Variants in PCLO observed in about 807,000 individuals in gnomAD.
The protein encoded by PCLO is piccolo presynaptic cytomatrix protein.
Under a neutral mutation model 427.5 loss-of-function variants are expected in PCLO, and 82 were observed. That is an observed-to-expected ratio of 0.19 (90% CI 0.16 to 0.23). The LOEUF (loss-of-function observed/expected upper bound fraction) is 0.23, where lower values mean the gene tolerates loss of function less well. Among genes scored for constraint, PCLO ranks in the 10% least tolerant of loss-of-function variants. The pLI is 1.00. For synonymous variants in PCLO, 2,357 were observed against 2,155.4 expected (o/e 1.09, Z -2.59); for missense variants, 6,239 against 6,115.9 (o/e 1.02, Z -0.67).
At position 82,801,501 on chromosome 7, in the gene PCLO, T is replaced by C; in HGVS notation, c.15007+17A>G. Reference sequence around the variant, plus strand: ...TGCAGATTCAGCCAAAATCCAATATTGTAAATTTTTACTTACCTTCAGTGT... The same window carrying C: ...TGCAGATTCAGCCAAAATCCAATATCGTAAATTTTTACTTACCTTCAGTGT... On this transcript the variant is annotated intron_variant, in intron 22 of 24. Coordinates refer to ENST00000333891, the MANE Select transcript of PCLO (RefSeq NM_033026.6). The C allele has an allele frequency of 7.1e-7, 1 of 1,399,906 alleles. No homozygotes were observed. Among genetic ancestry groups the C allele is most frequent in the Non-Finnish European group, 1.0e-6 (1 of 985,312 alleles). The allele number at this position is 1,399,906 out of a possible 1,614,324, so 86.7% of individuals were successfully genotyped here.
intron 22 of PCLO, among the ~76,000 whole-genome samples, chr7:82,785,935 TA>T (rs1227484134): frequency 6.6e-6 from 1 of 152,128 alleles, no homozygotes; most frequent in Non-Finnish European, 1.5e-5. Context: ...AAAACCTAGC[TA>T]GAGTTATATG....
Position 82,879,337 on chromosome 7 carries a change from C to T in PCLO, c.13654G>A (p.Gly4552Arg). Reference protein sequence around the residue: ...SAEQTGKLMEGMQVLEWNGIP... With the variant: ...SAEQTGKLMERMQVLEWNGIP... The stretch of plus-strand genomic sequence containing the variant: ...TTACTGTAAAATTCCTTATTCTTAC[C>T]TTCCATAAGCTTCCCCGTCTGTTCC... The change falls in exon 10 of 25, where the codon GGG (glycine) becomes AGG (arginine). Residue 4552 changes from glycine (G) to arginine (R), a missense_variant and splice_region_variant. This residue lies in a region of PCLO where 877 missense variants were observed against 925.5 expected (regional missense o/e 0.95). Coordinates refer to ENST00000333891, the MANE Select transcript of PCLO (RefSeq NM_033026.6). 6.2e-7 allele frequency: 1 copy of T among 1,601,656 alleles called. No individual in the cohort carries two copies. The highest frequency in any genetic ancestry group is 8.5e-7 in the Non-Finnish European group (1 of 1,175,642).
intron 3 of PCLO, among the ~76,000 whole-genome samples, chr7:83,032,689 G>A (rs1033366412): frequency 6.6e-6 from 1 of 151,976 alleles, no homozygotes; most frequent in Non-Finnish European, 1.5e-5. Flanking sequence ...TTCATTTATG[G>A]TGTCACCATT....
intron 21 of PCLO, among the ~76,000 whole-genome samples, chr7:82,802,126 T>C (rs1197022838): frequency 6.6e-6 from 1 of 152,050 alleles, no homozygotes; most frequent in Non-Finnish European, 1.5e-5. Flanking sequence ...AACTGGCTTT[T>C]GTAGTCAGGC....
rs1050322253 is a variant in PCLO, at chr7:82,756,977, G to T, written c.*1598C>A. The T allele has an allele frequency of 2.6e-5, 4 of 152,048 alleles. No individual in the cohort carries two copies. The highest frequency in any genetic ancestry group is 5.9e-5 in the Non-Finnish European group (4 of 67,990). 9.4% of individuals were successfully genotyped at this position (152,048 alleles called of 1,614,324 possible). A position where few individuals can be genotyped will look rare whatever the true frequency, so the allele number is the denominator to read the frequency against. ...ACATATAAAATTTGAGAATTAAAAAGATATGTAATAATTATTCCTCACTTC... is the reference window on the plus strand; with the variant it reads ...ACATATAAAATTTGAGAATTAAAAATATATGTAATAATTATTCCTCACTTC... On this transcript the variant is annotated 3_prime_UTR_variant, in exon 25 of 25. Coordinates refer to ENST00000333891, the MANE Select transcript of PCLO (RefSeq NM_033026.6).
At chr7:82,763,257 A>C (rs1790467151) in intron 22 of PCLO, among the ~76,000 whole-genome samples, 1 of 152,096 alleles carries the variant, frequency 6.6e-6, no homozygotes, top group African/African-American at 2.4e-5. Context: ...CCACTGCCTT[A>C]ATAGGAAATA....
chr7:82,904,343 C>T (rs1157297090), intron 8 of PCLO, among the ~76,000 whole-genome samples: 1 of 151,684 alleles, frequency 6.6e-6, no homozygotes, highest in African/African-American at 2.4e-5. Flanking sequence ...TTTTTGCCCT[C>T]CCCACATCTT....
At chr7:82,906,006 T>TACAGATAG (rs1554350000) in intron 8 of PCLO, among the ~76,000 whole-genome samples, 1 of 146,628 alleles carries the variant, frequency 6.8e-6, no homozygotes, top group African/African-American at 2.6e-5. Flanking sequence ...AGGTTAAGCA[T>TACAGATAG]ATAGATAGAT....
At chr7:82,839,746 G>A (rs1330746367) in intron 14 of PCLO, among the ~76,000 whole-genome samples, 1 of 152,008 alleles carries the variant, frequency 6.6e-6, no homozygotes, top group East Asian at 1.9e-4. Context: ...AATTTGCTCT[G>A]TATGGCCTTA....
Position 82,956,093 on chromosome 7 carries a change from A to T in PCLO, c.4860T>A (p.Asp1620Glu), listed in dbSNP as rs550441923. ...ATGAGTGACGTCTTCCTGCATCTTC[A>T]TCAATGCTTGTGCTACTTTTTCGAG... Reference protein sequence around the residue: ...RLTRKSSTSIDEDAGRRHSWH... With the variant: ...RLTRKSSTSIEEDAGRRHSWH... Residue 1620 changes from aspartate (D) to glutamate (E), a missense_variant, in exon 5 of 25, where the codon GAT becomes GAA. Around this residue, in one of 5 missense-constraint regions of PCLO, gnomAD observed 4,677 missense variants for 4,468.4 expected, o/e 1.05. Coordinates refer to ENST00000333891, the MANE Select transcript of PCLO (RefSeq NM_033026.6). The T allele has an allele frequency of 1.2e-6, 2 of 1,611,210 alleles. No homozygotes were observed. Among genetic ancestry groups the T allele is most frequent in the Middle Eastern group, 1.6e-4 (1 of 6,062 alleles).
At chr7:82,984,408 C>CTGTGTGTGTGTGTGTGTG (rs5885327) in intron 3 of PCLO, among the ~76,000 whole-genome samples, 36 of 135,938 alleles carry the variant, frequency 2.6e-4, no homozygotes, top group African/African-American at 8.1e-4. Flanking sequence ...AATGTGGTGT[C>CTGTGTGTGTGTGTGTGTG]TGTGTGTGTG....
intron 22 of PCLO, among the ~76,000 whole-genome samples, chr7:82,790,262 A>G (rs922747202): frequency 6.6e-6 from 1 of 152,010 alleles, no homozygotes; most frequent in Non-Finnish European, 1.5e-5. Context: ...CCAATTGCCT[A>G]TTTACAGTGT....
rs189788117 is a variant in PCLO at position 83,015,230 on chromosome 7, T to C, written c.3301-48743A>G. 4.9e-3 allele frequency among the ~76,000 whole-genome samples: 741 copies of C among 152,266 alleles called. 28 individuals are homozygous for C. Among genetic ancestry groups the C allele is most frequent in the Admixed American group, 0.042 (641 of 15,274 alleles). On this transcript the variant is annotated intron_variant, in intron 3 of 24. Transcript: ENST00000333891. ...TTATAATTTATACAAAATAATTCCA[T>C]GAGCCTGGTGGACATAAATCAGTAT...
intron 10 of PCLO, among the ~76,000 whole-genome samples, chr7:82,875,322 A>T (rs749254721): frequency 3.3e-5 from 5 of 152,068 alleles, no homozygotes; most frequent in Non-Finnish European, 7.4e-5. Flanking sequence ...TTTTAAAACC[A>T]TTTTATTGAG....
intron 10 of PCLO, among the ~76,000 whole-genome samples, chr7:82,849,481 A>G (rs959021042): frequency 6.6e-5 from 10 of 152,164 alleles, no homozygotes; most frequent in Non-Finnish European, 1.5e-5. Context: ...ACAGTGAGAC[A>G]CCATAGGGAA....
At chr7:83,162,073 G>T (rs1213033264) in intron 1 of PCLO, among the ~76,000 whole-genome samples, 1 of 152,192 alleles carries the variant, frequency 6.6e-6, no homozygotes, top group East Asian at 1.9e-4. Flanking sequence ...CGCCATCCTA[G>T]AGGGGAAGGG....
At chr7:82,845,719 C>T (rs1365299839) in intron 12 of PCLO, among the ~76,000 whole-genome samples, 1 of 152,098 alleles carries the variant, frequency 6.6e-6, no homozygotes, top group Non-Finnish European at 1.5e-5. Flanking sequence ...GTTCCCGTTG[C>T]ATCTTCAGAA....
At chr7:82,765,622 A>T (rs1185887083) in intron 22 of PCLO, among the ~76,000 whole-genome samples, 1 of 152,016 alleles carries the variant, frequency 6.6e-6, no homozygotes, top group Admixed American at 6.6e-5. Context: ...GGTGTCATGA[A>T]TATACCCTAA....
At position 82,953,687 on chromosome 7, in the gene PCLO, AGGG is replaced by A; in HGVS notation, c.7263_7265del (p.Pro2426del). ...TTGGTGGAGGAAGTGGTGGGGGAGG[AGGG>A]GGTGGTGGTGGAGGAGGAGGAGGAG... On this transcript the variant is annotated inframe_deletion, in exon 5 of 25. Coordinates refer to ENST00000333891, the MANE Select transcript of PCLO (RefSeq NM_033026.6). The A allele has an allele frequency of 4.1e-6, 2 of 486,138 alleles. No individual in the cohort carries two copies. Among genetic ancestry groups the A allele is most frequent in the Non-Finnish European group, 6.4e-6 (2 of 313,074 alleles). The allele number at this position is 486,138 out of a possible 1,614,324, so 30.1% of individuals were successfully genotyped here.
Sources: allele counts gnomAD v4.1 joint callset (sites outside exome capture counted in the v4.1 genomes callset), GRCh38; gene constraint gnomAD v4.1.1; regional missense constraint gnomAD v4.1.1; transcripts MANE v1.5; gene names NCBI Gene and HGNC (gene_info 2026-07-23, HGNC 2026-07-21).